The following TRIO variants were observed in gnomAD, a reference collection of about 807,000 sequenced individuals.
The protein encoded by TRIO is trio Rho guanine nucleotide exchange factor, also known as triple functional domain protein.
Under a neutral mutation model 351.9 loss-of-function variants are expected in TRIO, and 58 were observed. The observed-to-expected ratio is 0.16, with a 90% CI of 0.13 to 0.21. The LOEUF (loss-of-function observed/expected upper bound fraction) is 0.21. Ranked by LOEUF, TRIO falls within the 10% of genes least tolerant of loss-of-function variation. The probability of loss-of-function intolerance (pLI) is 1.00; values close to 1 mark genes in which losing one functional copy is unlikely to be tolerated. For missense variants in TRIO, 3,201 were observed against 4,027.8 expected (o/e 0.79, Z 5.56); for synonymous variants, 1,758 against 1,595.7 (o/e 1.10, Z -2.42).
At chr5:14,223,219 T>C (rs1581386436) in intron 1 of TRIO, among the ~76,000 whole-genome samples, 1 of 152,364 alleles carries the variant, frequency 6.6e-6, no homozygotes, top group East Asian at 1.9e-4. Context: ...TCTATGATTC[T>C]ATCTTTTGGA....
In TRIO at chr5:14,424,281, A is replaced by G. The variant is rs555994430; in HGVS notation, c.5203+4260A>G. Among the ~76,000 whole-genome samples the G allele has an allele frequency of 6.8e-4, 104 of 152,252 alleles. 1 individual carries two copies. Among genetic ancestry groups the G allele is most frequent in the Non-Finnish European group, 1.3e-4 (9 of 68,016 alleles). ...TGCCGTTTCCTTACACCAACCCATCATGTGATGACAGGTGGCCTTTTTGCT... is the reference window on the plus strand; with the variant it reads ...TGCCGTTTCCTTACACCAACCCATCGTGTGATGACAGGTGGCCTTTTTGCT... On this transcript the variant is annotated intron_variant, in intron 34 of 56. Coordinates refer to ENST00000344204, the MANE Select transcript of TRIO (RefSeq NM_007118.4).
intron 1 of TRIO, among the ~76,000 whole-genome samples, chr5:14,150,019 C>G (rs1346531431): frequency 6.6e-6 from 1 of 152,178 alleles, no homozygotes; most frequent in Non-Finnish European, 1.5e-5. Context: ...TTTGTCCTGG[C>G]CGCTCTGTGG....
At chr5:14,250,517 A>G (rs58221971) in intron 1 of TRIO, among the ~76,000 whole-genome samples, 51,984 of 152,018 alleles carry the variant, frequency 0.34, 10,439 homozygotes, top group African/African-American at 0.56. Context: ...AATTAGCACT[A>G]GGGGAGGAGA....
At chr5:14,315,504 G>A (rs1403155497) in intron 8 of TRIO, among the ~76,000 whole-genome samples, 1 of 152,102 alleles carries the variant, frequency 6.6e-6, no homozygotes, top group East Asian at 1.9e-4. Context: ...GCCTGCCTCG[G>A]CCTCCCAAAG....
chr5:14,484,284 A>T lies in TRIO; in HGVS notation c.6658-785A>T, dbSNP rs138827134. 5.9e-5 allele frequency among the ~76,000 whole-genome samples: 9 copies of T among 152,246 alleles called. No homozygotes were observed. The East Asian group carries it at 1.5e-3, about 26-fold the overall frequency. On this transcript the variant is annotated intron_variant, in intron 46 of 56. Coordinates refer to ENST00000344204, the MANE Select transcript of TRIO (RefSeq NM_007118.4). ...CAATTTTATAACATAGGTTTTAGTG[A>T]TATTTGAGATTTGTTTAATGGTGTC...
intron 1 of TRIO, among the ~76,000 whole-genome samples, chr5:14,254,109 G>A (rs1794894036): frequency 6.6e-6 from 1 of 152,010 alleles, no homozygotes; most frequent in Admixed American, 6.6e-5. Context: ...TAGATATTAG[G>A]TGGACAGAAT....
chr5:14,277,243 T>G (rs540429133), intron 2 of TRIO, among the ~76,000 whole-genome samples: 13 of 152,292 alleles, frequency 8.5e-5, no homozygotes, highest in African/African-American at 3.1e-4. Context: ...AGGTAAGAAG[T>G]GCCTTAGAGA....
rs563636568 is a variant in TRIO at position 14,250,856 on chromosome 5, T to C, written c.158-19969T>C. On this transcript the variant is annotated intron_variant, in intron 1 of 56. Coordinates refer to ENST00000344204, the MANE Select transcript of TRIO (RefSeq NM_007118.4). ...ATTTGCTCAGGTGAATTAAACACTT[T>C]ACACGCATTTTCTCACTGAATTCTC... Among the ~76,000 whole-genome samples the C allele has an allele frequency of 5.9e-5, 9 of 152,326 alleles. No individual in the cohort carries two copies. The South Asian group carries it at 1.9e-3, about 32-fold the overall frequency.
At chr5:14,282,663 G>A (rs1473525911) in intron 3 of TRIO, among the ~76,000 whole-genome samples, 2 of 152,200 alleles carry the variant, frequency 1.3e-5, no homozygotes, top group African/African-American at 2.4e-5. Context: ...CAGCTTCAGC[G>A]TTTATCAGAT....
chr5:14,349,014 TTG>T (rs369383317), intron 11 of TRIO, among the ~76,000 whole-genome samples: 23 of 150,410 alleles, frequency 1.5e-4, no homozygotes, highest in African/African-American at 5.1e-4. Context: ...CATGTTTTTC[TTG>T]TGTGTTTATT....
intron 13 of TRIO, among the ~76,000 whole-genome samples, chr5:14,360,221 T>C (rs1260121208): frequency 6.6e-6 from 1 of 152,218 alleles, no homozygotes; most frequent in African/African-American, 2.4e-5. Context: ...GCATCTTATA[T>C]GTGAACAGGA....
chr5:14,191,155 A>G (rs1242187808), intron 1 of TRIO, among the ~76,000 whole-genome samples: 2 of 152,168 alleles, frequency 1.3e-5, no homozygotes, highest in Non-Finnish European at 1.5e-5. Flanking sequence ...GTTCCTACCT[A>G]GTGGGTCAAG....
intron 1 of TRIO, among the ~76,000 whole-genome samples, chr5:14,247,239 A>G (rs1794492715): frequency 6.6e-6 from 1 of 152,224 alleles, no homozygotes; most frequent in African/African-American, 2.4e-5. Flanking sequence ...CAAGACATGG[A>G]AATGTCCTGT....
chr5:14,267,118 A>G lies in TRIO; in HGVS notation c.158-3707A>G, dbSNP rs540913017. ...AAATTATATAATTCAAAAAGTGGGT[A>G]CAACTAAATGTCCCCCAATTTGGGC... On this transcript the variant is annotated intron_variant, in intron 1 of 56. Transcript: ENST00000344204. Among the ~76,000 whole-genome samples the G allele has an allele frequency of 2.1e-3, 322 of 152,340 alleles. 1 individual carries two copies. Among genetic ancestry groups the G allele is most frequent in the Non-Finnish European group, 3.7e-3 (255 of 68,026 alleles).
intron 46 of TRIO, 35 bp downstream of exon 46, chr5:14,482,808 GC>G: frequency 6.8e-7 from 1 of 1,479,058 alleles, no homozygotes; most frequent in South Asian, 1.4e-5. Flanking sequence ...CTCTGTGCCA[GC>G]GCATGTACCC....
At chr5:14,348,925 A>ATG (rs1374116100) in intron 11 of TRIO, among the ~76,000 whole-genome samples, 1 of 141,528 alleles carries the variant, frequency 7.1e-6, no homozygotes. Flanking sequence ...GCACGTGAGC[A>ATG]TGTGTTTTTC....
chr5:14,443,258 A>G (rs1339550305), intron 34 of TRIO, among the ~76,000 whole-genome samples: 1 of 152,216 alleles, frequency 6.6e-6, no homozygotes, highest in Non-Finnish European at 1.5e-5. Context: ...ACCCGTGTGG[A>G]ATTTCCTGAA....
rs76779377 is a variant in TRIO at position 14,305,023 on chromosome 5, T to C, written c.1500+431T>C. Among the ~76,000 whole-genome samples, 244 of 152,392 alleles carry C rather than the reference T, an allele frequency of 1.6e-3. 3 individuals are homozygous for C. The highest frequency in any genetic ancestry group is 5.6e-3 in the African/African-American group (233 of 41,600). ...AAGTGTAACATTTTCTTTATTACTT[T>C]AGGGTGTATTACATTATTTACTTAG... On this transcript the variant is annotated intron_variant, in intron 8 of 56. Transcript: ENST00000344204.
At chr5:14,331,680 C>T (rs1740917513) in intron 10 of TRIO, among the ~76,000 whole-genome samples, 1 of 152,078 alleles carries the variant, frequency 6.6e-6, no homozygotes, top group African/African-American at 2.4e-5. Flanking sequence ...CTGCAGGGGC[C>T]CTGGGTTTCA....
Sources: allele counts gnomAD v4.1 joint callset (sites outside exome capture counted in the v4.1 genomes callset), GRCh38; gene constraint gnomAD v4.1.1; transcripts MANE v1.5; gene names NCBI Gene and HGNC (gene_info 2026-07-23, HGNC 2026-07-21).